Variants in SCHIP1 observed in about 807,000 individuals in gnomAD.
SCHIP1 encodes schwannomin interacting protein 1.
Under a neutral mutation model 29.7 loss-of-function variants are expected in SCHIP1, and 8 were observed. The observed-to-expected ratio is 0.27, with a 90% CI of 0.16 to 0.49. The LOEUF is 0.49. Among genes scored for constraint, SCHIP1 ranks in the 20% least tolerant of loss-of-function variants. SCHIP1 has a pLI of 0.99. For missense variants in SCHIP1, 193 were observed against 294.6 expected (o/e 0.66, Z 2.52); for synonymous variants, 76 against 94.9 (o/e 0.80, Z 1.16).
the SCHIP1 span, among the ~76,000 whole-genome samples, chr3:159,329,050 C>CTTA: frequency 1.3e-5 from 2 of 152,114 alleles, no homozygotes; most frequent in Non-Finnish European, 2.9e-5. Context: ...TCCTTTTGGC[C>CTTA]TTACTGTGGC....
At chr3:159,428,648 G>C in the SCHIP1 span, among the ~76,000 whole-genome samples, 3 of 150,542 alleles carry the variant, frequency 2.0e-5, no homozygotes, top group Admixed American at 6.6e-5. Context: ...CGATTCCTCA[G>C]GGATCTAGAA....
At chr3:159,626,238 ATCTATCTATC>A in the SCHIP1 span, among the ~76,000 whole-genome samples, 4 of 80,742 alleles carry the variant, frequency 5.0e-5, no homozygotes, top group Admixed American at 3.9e-4. Context: ...ATCTAGATAT[ATCTATCTATC>A]TATATAGATA....
the SCHIP1 span, among the ~76,000 whole-genome samples, chr3:159,725,271 C>CTTT: frequency 1.5e-5 from 2 of 136,996 alleles, no homozygotes; most frequent in African/African-American, 2.7e-5. Flanking sequence ...TTTCTTTTTT[C>CTTT]TTTTTTTTTT....
the SCHIP1 span, among the ~76,000 whole-genome samples, chr3:159,719,258 C>T: frequency 2.6e-5 from 4 of 152,164 alleles, no homozygotes; most frequent in Non-Finnish European, 5.9e-5. Context: ...ACTTAAATGT[C>T]AGACCTAAAA....
the SCHIP1 span, among the ~76,000 whole-genome samples, chr3:159,314,928 T>A: frequency 6.6e-6 from 1 of 152,238 alleles, no homozygotes; most frequent in Non-Finnish European, 1.5e-5. Context: ...TTGGATTATT[T>A]CCAGTTTTAT....
the SCHIP1 span, among the ~76,000 whole-genome samples, chr3:159,330,885 C>A: frequency 4.1e-4 from 63 of 152,122 alleles, no homozygotes; most frequent in African/African-American, 1.2e-3. Context: ...CCCAGTAGCT[C>A]CCCTCTACTT....
the SCHIP1 span, among the ~76,000 whole-genome samples, chr3:159,662,954 A>T: frequency 6.6e-6 from 1 of 152,220 alleles, no homozygotes; most frequent in South Asian, 2.1e-4. Context: ...ATCTAGATGT[A>T]GCAACAGTGG....
chr3:159,338,584 ACTCTATCTT>A, the SCHIP1 span, among the ~76,000 whole-genome samples: 3 of 152,038 alleles, frequency 2.0e-5, no homozygotes, highest in African/African-American at 7.2e-5. Context: ...GATAGGACCT[ACTCTATCTT>A]CTATGCAGTG....
the SCHIP1 span, among the ~76,000 whole-genome samples, chr3:159,418,876 A>G: frequency 6.6e-6 from 1 of 152,250 alleles, no homozygotes; most frequent in African/African-American, 2.4e-5. Context: ...TTAGGTAATG[A>G]AAAGAACGAA....
the SCHIP1 span, among the ~76,000 whole-genome samples, chr3:159,738,259 A>T: frequency 1.2e-4 from 18 of 152,108 alleles, no homozygotes; most frequent in Middle Eastern, 0.014. Context: ...TTACAAAAAA[A>T]AAAAATAAAG....
chr3:159,593,667 T>C, the SCHIP1 span, among the ~76,000 whole-genome samples: 1 of 151,810 alleles, frequency 6.6e-6, no homozygotes, highest in Non-Finnish European at 1.5e-5. Flanking sequence ...AGAAGGAACC[T>C]GACTCTCCCG....
At chr3:159,576,506 T>G in the SCHIP1 span, among the ~76,000 whole-genome samples, 1 of 152,268 alleles carries the variant, frequency 6.6e-6, no homozygotes, top group Non-Finnish European at 1.5e-5. Context: ...TTGGGATTTG[T>G]TGTGCTTAAT....
the SCHIP1 span, among the ~76,000 whole-genome samples, chr3:159,404,259 G>A: frequency 2.0e-5 from 3 of 152,138 alleles, no homozygotes; most frequent in Non-Finnish European, 4.4e-5. Context: ...GCAGAGGGAA[G>A]AGTAAAGGGG....
chr3:159,849,900 T>C (rs530090638), intron 1 of SCHIP1, among the ~76,000 whole-genome samples: 15 of 152,208 alleles, frequency 9.9e-5, no homozygotes, highest in Non-Finnish European at 1.8e-4. Flanking sequence ...GTTCACGTAC[T>C]TAGTCAACAG....
chr3:159,406,750 A>G, the SCHIP1 span, among the ~76,000 whole-genome samples: 1 of 152,242 alleles, frequency 6.6e-6, no homozygotes, highest in Non-Finnish European at 1.5e-5. Context: ...GTGGGGGGAC[A>G]AAGTTAAAGT....
chr3:159,410,633 G>A, the SCHIP1 span, among the ~76,000 whole-genome samples: 1 of 152,040 alleles, frequency 6.6e-6, no homozygotes, highest in Admixed American at 6.6e-5. Flanking sequence ...TACAAATGCT[G>A]GGGAGGATAT....
chr3:159,574,963 G>T, the SCHIP1 span, among the ~76,000 whole-genome samples: 1 of 152,232 alleles, frequency 6.6e-6, no homozygotes, highest in African/African-American at 2.4e-5. Context: ...CTTGGGAAAA[G>T]TGCAGTATTT....
At chr3:159,765,004 G>T in the SCHIP1 span, 6 of 1,532,574 alleles carry the variant, frequency 3.9e-6, no homozygotes, top group East Asian at 2.6e-5. Flanking sequence ...GCCCCCAGAC[G>T]GCGGGACGTG....
the SCHIP1 span, among the ~76,000 whole-genome samples, chr3:159,679,205 T>A: frequency 1.3e-5 from 2 of 152,060 alleles, no homozygotes; most frequent in Non-Finnish European, 2.9e-5. Context: ...ACTTTAAAAT[T>A]TAGAGAGGGC....
Sources: allele counts gnomAD v4.1 joint callset (sites outside exome capture counted in the v4.1 genomes callset), GRCh38; gene constraint gnomAD v4.1.1; transcripts MANE v1.5; gene names NCBI Gene and HGNC (gene_info 2026-07-23, HGNC 2026-07-21).